PCDHGA12: variants seen among roughly 807,000 people sequenced by gnomAD.
PCDHGA12 encodes protocadherin gamma subfamily A, 12.
A neutral mutation model predicts 61.1 loss-of-function variants in PCDHGA12; 43 were observed. That is an observed-to-expected ratio of 0.70 (90% CI 0.55 to 0.91). PCDHGA12 has a LOEUF of 0.91. Among genes scored for constraint, PCDHGA12 ranks in the 40% least tolerant of loss-of-function variants. PCDHGA12 has a pLI of 0.00. For synonymous variants in PCDHGA12, 520 were observed against 542.9 expected (o/e 0.96, Z 0.59); for missense variants, 1,236 against 1,227.7 (o/e 1.01, Z -0.10).
Position 141,505,566 on chromosome 5 carries a change from A to G in PCDHGA12, c.2572+85A>G, listed in dbSNP as rs1363426407. 1.4e-5 allele frequency: 22 copies of G among 1,599,886 alleles called. No individual in the cohort carries two copies. In the East Asian group the frequency reaches 4.7e-4, roughly 34 times the overall value. ...CACAGCCACCATGCCCACGGACTGGATGTCAAACCTGTGTAGTTTCTCCAG... is the reference window on the plus strand; with the variant it reads ...CACAGCCACCATGCCCACGGACTGGGTGTCAAACCTGTGTAGTTTCTCCAG... On this transcript the variant is annotated intron_variant, in intron 3 of 3. Coordinates refer to ENST00000252085, the MANE Select transcript of PCDHGA12 (RefSeq NM_003735.3).
At chr5:141,483,273 T>G (rs6860615) in intron 1 of PCDHGA12, among the ~76,000 whole-genome samples, 62,442 of 151,936 alleles carry the variant, frequency 0.41, 15,417 homozygotes, top group African/African-American at 0.7. Flanking sequence ...GTTTTAGAAA[T>G]ATTATTCTGT....
chr5:141,475,116 C>G (rs1383017919), intron 1 of PCDHGA12, among the ~76,000 whole-genome samples: 2 of 152,128 alleles, frequency 1.3e-5, no homozygotes, highest in African/African-American at 4.8e-5. Context: ...GTAAATAGGC[C>G]TGGCTTTTTT....
Position 141,491,711 on chromosome 5 carries a change from C to A in PCDHGA12, c.2425-3096C>A, listed in dbSNP as rs528931820. ...CGGGAGCGGAGCCAGGTGAGGGGCT[C>A]GGCGCCGCCCCGGGCGACCCCTGGG... On this transcript the variant is annotated intron_variant, in intron 1 of 3. Coordinates refer to ENST00000252085, the MANE Select transcript of PCDHGA12 (RefSeq NM_003735.3). The surrounding 1 kb of genome is among the most constrained non-coding windows in gnomAD (Gnocchi z 6.9). 1.3e-4 allele frequency: 217 copies of A among 1,609,356 alleles called. 3 individuals are homozygous for A. In the South Asian group the frequency reaches 2.2e-3, roughly 17 times the overall value.
chr5:141,432,235 T>C lies in PCDHGA12; in HGVS notation c.1476T>C (p.Ala492=), dbSNP rs1240828849. 1 of 1,614,102 alleles carries C rather than the reference T, an allele frequency of 6.2e-7. No individual in the cohort carries two copies. The highest frequency in any genetic ancestry group is 8.5e-7 in the Non-Finnish European group (1 of 1,180,050). ...ACGCCCAGATCACTTATTCCCTGGC[T>C]GAGAACACCATCCAAGGGGCAAGCC... ...EENAQITYSL[A]ENTIQGASLS... is the part of the protein sequence containing the mutation. Residue 492 remains alanine, a synonymous_variant, in exon 1 of 4, where the codon GCT becomes GCC. Transcript: ENST00000252085. The surrounding 1 kb of genome is among the most constrained non-coding windows in gnomAD (Gnocchi z 6.0).
chr5:141,444,588 A>G (rs1486905298), intron 1 of PCDHGA12, among the ~76,000 whole-genome samples: 1 of 152,138 alleles, frequency 6.6e-6, no homozygotes, highest in Non-Finnish European at 1.5e-5. Flanking sequence ...CTTTCTACTT[A>G]CCTTATTTAA....
At position 141,490,632 on chromosome 5, in the gene PCDHGA12, A is replaced by C; in HGVS notation, c.2425-4175A>C. Reference sequence around the variant, plus strand: ...AGCAGCTTTACACTGCTTACATCCTAGAAAACCGGCCTCCGGGCTCCCTTC... The same window carrying C: ...AGCAGCTTTACACTGCTTACATCCTCGAAAACCGGCCTCCGGGCTCCCTTC... On this transcript the variant is annotated intron_variant, in intron 1 of 3. Transcript: ENST00000252085. This position sits in a 1 kb window ranked among gnomAD's most constrained non-coding sequence, Gnocchi z 5.4. The C allele has an allele frequency of 1.2e-6, 2 of 1,614,196 alleles. No individual in the cohort carries two copies. Among genetic ancestry groups the C allele is most frequent in the South Asian group, 1.1e-5 (1 of 91,088 alleles).
chr5:141,476,054 A>T lies in PCDHGA12; in HGVS notation c.2425-18753A>T. The T allele has an allele frequency of 3.3e-6, 5 of 1,504,982 alleles. No homozygotes were observed. The highest frequency in any genetic ancestry group is 4.4e-6 in the Non-Finnish European group (5 of 1,134,040). 93.2% of individuals were successfully genotyped at this position (1,504,982 alleles called of 1,614,324 possible). A position where few individuals can be genotyped will look rare whatever the true frequency, so the allele number is the denominator to read the frequency against. ...AGCGCCCAAGCGCTAACCCGCTGAA[A>T]GTTTCTCAGCGAAATCTCAGGGACG... On this transcript the variant is annotated intron_variant, in intron 1 of 3. Coordinates refer to ENST00000252085, the MANE Select transcript of PCDHGA12 (RefSeq NM_003735.3). The surrounding 1 kb of genome is among the most constrained non-coding windows in gnomAD (Gnocchi z 7.6).
chr5:141,508,971 T>C (rs776443205), intron 3 of PCDHGA12, among the ~76,000 whole-genome samples: 14 of 152,004 alleles, frequency 9.2e-5, no homozygotes, highest in Non-Finnish European at 2.1e-4. Context: ...ATGAAAGGGC[T>C]GGGGGTGGGG....
intron 1 of PCDHGA12, among the ~76,000 whole-genome samples, chr5:141,494,361 G>A (rs1311268562): frequency 6.6e-6 from 1 of 152,184 alleles, no homozygotes; most frequent in African/African-American, 2.4e-5. Flanking sequence ...TGCTGCAGAG[G>A]ATGCTTTGTT....
At chr5:141,492,822 C>T (rs1241767956) in intron 1 of PCDHGA12, among the ~76,000 whole-genome samples, 1 of 152,238 alleles carries the variant, frequency 6.6e-6, no homozygotes, top group Non-Finnish European at 1.5e-5. Context: ...GCACCAGCGG[C>T]CCCTTCCTCC....
chr5:141,477,794 C>G lies in PCDHGA12; in HGVS notation c.2425-17013C>G, dbSNP rs148942362. The G allele has an allele frequency of 6.2e-7, 1 of 1,614,086 alleles. No individual in the cohort carries two copies. The highest frequency in any genetic ancestry group is 1.1e-5 in the South Asian group (1 of 91,082). On this transcript the variant is annotated intron_variant, in intron 1 of 3. Transcript: ENST00000252085. This position sits in a 1 kb window ranked among gnomAD's most constrained non-coding sequence, Gnocchi z 4.9. ...CAGCGTGAACATATTTGTCACTGAT[C>G]GCAATGACAATGCCCCCCAGGTCCT...
intron 1 of PCDHGA12, among the ~76,000 whole-genome samples, chr5:141,479,935 A>C (rs1226362422): frequency 1.3e-5 from 2 of 152,232 alleles, no homozygotes. Context: ...CATCATTGCT[A>C]TCAACTCTTG....
Position 141,438,011 on chromosome 5 carries a change from G to T in PCDHGA12, c.2424+4828G>T, listed in dbSNP as rs189978786. On this transcript the variant is annotated intron_variant, in intron 1 of 3. Coordinates refer to ENST00000252085, the MANE Select transcript of PCDHGA12 (RefSeq NM_003735.3). ...CCACCTCAGCCTCCCAAATAGCTGAGATTACAGGTGTGAGCCACCATGCCC... is the reference window on the plus strand; with the variant it reads ...CCACCTCAGCCTCCCAAATAGCTGATATTACAGGTGTGAGCCACCATGCCC... 2.8e-3 allele frequency among the ~76,000 whole-genome samples: 432 copies of T among 152,220 alleles called. 1 individual carries two copies. The highest frequency in any genetic ancestry group is 0.021 in the Admixed American group (318 of 15,288).
chr5:141,511,062 C>T lies in PCDHGA12; in HGVS notation c.2688C>T (p.Tyr896=), dbSNP rs775583963. The change falls in exon 4 of 4, where the codon TAC becomes TAT. Residue 896 remains tyrosine, a synonymous_variant. Transcript: ENST00000252085. ...TGCCCGACTACCGCCAGAATGTCTACATCCCAGGCAGCAATGCCACACTGA... is the reference window on the plus strand; with the variant it reads ...TGCCCGACTACCGCCAGAATGTCTATATCCCAGGCAGCAATGCCACACTGA... ...QHVPDYRQNV[Y]IPGSNATLTN... The T allele has an allele frequency of 6.2e-7, 1 of 1,614,246 alleles. No homozygotes were observed. The highest frequency in any genetic ancestry group is 1.3e-5 in the African/African-American group (1 of 75,064).
At chr5:141,500,582 T>G (rs534297929) in intron 2 of PCDHGA12, among the ~76,000 whole-genome samples, 29 of 152,314 alleles carry the variant, frequency 1.9e-4, no homozygotes, top group African/African-American at 6.7e-4. Flanking sequence ...ATGTGACACT[T>G]TATTCACATA....
Position 141,485,831 on chromosome 5 carries a change from C to T in PCDHGA12, c.2425-8976C>T. 1 of 1,614,080 alleles carries T rather than the reference C, an allele frequency of 6.2e-7. No individual in the cohort carries two copies. The highest frequency in any genetic ancestry group is 8.5e-7 in the Non-Finnish European group (1 of 1,180,026). ...GCTGACTGCTGTCGATGGAGGGAAC[C>T]CGCCGAGATCTGGCACCGCAGAGCT... On this transcript the variant is annotated intron_variant, in intron 1 of 3. Coordinates refer to ENST00000252085, the MANE Select transcript of PCDHGA12 (RefSeq NM_003735.3). This position sits in a 1 kb window ranked among gnomAD's most constrained non-coding sequence, Gnocchi z 5.7.
Position 141,511,252 on chromosome 5 carries a change from G to C in PCDHGA12, c.*79G>C. 6.4e-7 allele frequency: 1 copy of C among 1,568,260 alleles called. No homozygotes were observed. The highest frequency in any genetic ancestry group is 8.6e-7 in the Non-Finnish European group (1 of 1,157,002). On this transcript the variant is annotated 3_prime_UTR_variant, in exon 4 of 4. Coordinates refer to ENST00000252085, the MANE Select transcript of PCDHGA12 (RefSeq NM_003735.3). ...TCTCCTTACCTGCACCCAGGCCTCA[G>C]AGTTTCAGGGCTAACCCCCAGAATA... is the stretch of plus-strand genomic sequence containing the variant.
In PCDHGA12 at chr5:141,512,009, CAAGTT is replaced by C. The variant is rs1409890580; in HGVS notation, c.*838_*842del. On this transcript the variant is annotated 3_prime_UTR_variant, in exon 4 of 4. Transcript: ENST00000252085. ...GGGGCATGGACAAAGCTTGACACATCAAGTTATCAAGGCCTTGGAGGAGGCTCTGT... is the reference window on the plus strand; with the variant it reads ...GGGGCATGGACAAAGCTTGACACATCATCAAGGCCTTGGAGGAGGCTCTGT... 1 of 153,074 alleles carries C rather than the reference CAAGTT, an allele frequency of 6.5e-6. No individual in the cohort carries two copies. The highest frequency in any genetic ancestry group is 1.9e-4 in the East Asian group (1 of 5,182). 9.5% of individuals were successfully genotyped at this position (153,074 alleles called of 1,614,324 possible).
At chr5:141,497,745 G>C (rs1475395529) in intron 2 of PCDHGA12, among the ~76,000 whole-genome samples, 1 of 152,070 alleles carries the variant, frequency 6.6e-6, no homozygotes, top group Non-Finnish European at 1.5e-5. Flanking sequence ...CGCCACGTTG[G>C]CCAGGCTGGT....
Sources: allele counts gnomAD v4.1 joint callset (sites outside exome capture counted in the v4.1 genomes callset), GRCh38; gene constraint gnomAD v4.1.1; non-coding constraint Gnocchi (gnomAD v3.1); transcripts MANE v1.5; gene names NCBI Gene and HGNC (gene_info 2026-07-23, HGNC 2026-07-21).